GABRA3: variants seen among roughly 807,000 people sequenced by gnomAD.
GABRA3 encodes the protein gamma-aminobutyric acid type A receptor subunit alpha3, also known as gamma-aminobutyric acid receptor subunit alpha-3.
GABRA3 carries 10 observed loss-of-function variants against 30.1 expected under a neutral mutation model. The ratio of observed to expected loss-of-function variants is 0.33; its 90% CI spans 0.20 to 0.56. The LOEUF (loss-of-function observed/expected upper bound fraction) is 0.56. Among genes scored for constraint, GABRA3 ranks in the 20% least tolerant of loss-of-function variants. GABRA3 has a pLI of 0.89. For synonymous variants in GABRA3, 151 were observed against 146.8 expected (o/e 1.03, Z -0.21); for missense variants, 233 against 392.0 (o/e 0.59, Z 3.42).
At chrX:152,391,892 A>G (rs909784749) in intron 1 of GABRA3, among the ~76,000 whole-genome samples, 3 of 111,943 alleles carry the variant, frequency 2.7e-5, no homozygotes, top group Non-Finnish European at 5.6e-5. Context: ...AATACAAATA[A>G]TATAACAATA....
At chrX:152,326,866 A>G (rs1180656564) in intron 3 of GABRA3, among the ~76,000 whole-genome samples, 15 of 111,561 alleles carry the variant, frequency 1.3e-4, no homozygotes, top group African/African-American at 4.9e-4. Context: ...TTATCCTTAA[A>G]TGTAAATGGG....
At chrX:152,340,564 T>C (rs756410245) in intron 3 of GABRA3, among the ~76,000 whole-genome samples, 3 of 112,028 alleles carry the variant, frequency 2.7e-5, no homozygotes, top group African/African-American at 6.5e-5. Context: ...GAAAAAAGTG[T>C]TTATTTTGCC....
rs774817977 is a variant in GABRA3 at position 152,199,799 on chromosome X, T to C, written c.779-2014A>G. Among the ~76,000 whole-genome samples, 6 of 110,008 alleles carry C rather than the reference T, an allele frequency of 5.5e-5. No homozygotes were observed. In the East Asian group the frequency reaches 1.7e-3, roughly 32 times the overall value. Reference sequence around the variant, plus strand: ...CCCCACCGTGTTCTGTTGCTCTCTCTCTCACTTGCTCTCCTTCCCTCCCTC... The same window carrying C: ...CCCCACCGTGTTCTGTTGCTCTCTCCCTCACTTGCTCTCCTTCCCTCCCTC... On this transcript the variant is annotated intron_variant, in intron 7 of 9. Transcript: ENST00000370314.
intron 2 of GABRA3, among the ~76,000 whole-genome samples, chrX:152,347,834 C>T (rs1940413930): frequency 9.0e-6 from 1 of 110,803 alleles, no homozygotes; most frequent in African/African-American, 3.3e-5. Flanking sequence ...ATGGCGAAAT[C>T]CTGCCTCTAC....
At chrX:152,290,267 T>C (rs147593227) in intron 3 of GABRA3, among the ~76,000 whole-genome samples, 23,688 of 111,729 alleles carry the variant, frequency 0.21, 2,287 homozygotes, top group African/African-American at 0.38. Context: ...TGACCAGTGA[T>C]GATGAGCATT....
At chrX:152,220,558 G>A (rs1381812207) in intron 6 of GABRA3, among the ~76,000 whole-genome samples, 1 of 111,323 alleles carries the variant, frequency 9.0e-6, no homozygotes, top group African/African-American at 3.3e-5. Context: ...ATGCCTGTTT[G>A]GAACTATACT....
chrX:152,312,941 C>T (rs899895330), intron 3 of GABRA3, among the ~76,000 whole-genome samples: 4 of 111,048 alleles, frequency 3.6e-5, no homozygotes, highest in African/African-American at 1.3e-4. Context: ...ATAGCCATTC[C>T]GACTGGTGTG....
At chrX:152,358,608 A>G (rs1198141769) in intron 2 of GABRA3, among the ~76,000 whole-genome samples, 1 of 111,197 alleles carries the variant, frequency 9.0e-6, no homozygotes, top group African/African-American at 3.3e-5. Context: ...GAGGGCATCC[A>G]TGTCTTGTTC....
chrX:152,275,199 T>TCTATATATATTTAATA (rs1569378134), intron 4 of GABRA3, among the ~76,000 whole-genome samples: 3 of 65,847 alleles, frequency 4.6e-5, no homozygotes, highest in African/African-American at 7.2e-5. Context: ...ATATATATAA[T>TCTATATATATTTAATA]TTATATATAT....
chrX:152,236,167 C>T lies in GABRA3; in HGVS notation c.552-11322G>A, dbSNP rs376970829. On this transcript the variant is annotated intron_variant, in intron 5 of 9. Coordinates refer to ENST00000370314, the MANE Select transcript of GABRA3 (RefSeq NM_000808.4). ...CCCTCCCCCCACCCCACCACAGTCC[C>T]CAGAGTGTGATATTCCCCTTCCTGT... Among the ~76,000 whole-genome samples, 28 of 83,600 alleles carry T rather than the reference C, an allele frequency of 3.3e-4. 2 individuals carry two copies. The East Asian group carries it at 4.7e-3, about 14-fold the overall frequency. The allele number at this position is 83,600 out of a possible 115,157, so 72.6% of individuals were successfully genotyped here. A position where few individuals can be genotyped will look rare whatever the true frequency, so the allele number is the denominator to read the frequency against.
Position 152,430,541 on chromosome X carries a change from G to A in GABRA3, c.-27+20605C>T, listed in dbSNP as rs369219242. 5.4e-5 allele frequency among the ~76,000 whole-genome samples: 6 copies of A among 111,233 alleles called. No individual in the cohort carries two copies. The East Asian group carries it at 1.7e-3, about 32-fold the overall frequency. ...GTTATGCAACTAAGACTTGCATCAC[G>A]CCAAGCACTGCCTCAAAAACTTGAC... On this transcript the variant is annotated intron_variant, in intron 1 of 9. Transcript: ENST00000370314.
intron 3 of GABRA3, among the ~76,000 whole-genome samples, chrX:152,304,920 T>C (rs1939697921): frequency 1.8e-5 from 2 of 112,066 alleles, no homozygotes; most frequent in African/African-American, 6.5e-5. Context: ...TTCAGTAATA[T>C]TGATTCTTCC....
At chrX:152,377,028 T>C (rs771531303) in intron 1 of GABRA3, among the ~76,000 whole-genome samples, 6 of 112,101 alleles carry the variant, frequency 5.4e-5, no homozygotes, top group Non-Finnish European at 7.5e-5. Flanking sequence ...TACATTGCTA[T>C]TGAGAATGGA....
At chrX:152,273,353 T>C (rs1308056464) in intron 4 of GABRA3, among the ~76,000 whole-genome samples, 1 of 112,216 alleles carries the variant, frequency 8.9e-6, no homozygotes, top group African/African-American at 3.2e-5. Flanking sequence ...TGTAAATTAG[T>C]ATAAACACTA....
intron 9 of GABRA3, chrX:152,171,380 AT>A: frequency 1.5e-6 from 1 of 678,687 alleles, no homozygotes; most frequent in Non-Finnish European, 1.8e-6. Flanking sequence ...TTCTTCCACC[AT>A]TTTCAACATG....
chrX:152,169,144 C>G (rs1190138453), intron 9 of GABRA3, among the ~76,000 whole-genome samples: 2 of 112,269 alleles, frequency 1.8e-5, no homozygotes, highest in African/African-American at 6.5e-5. Context: ...AGAAATAACT[C>G]CAGAAGGCCG....
chrX:152,431,871 T>C (rs764435434), intron 1 of GABRA3, among the ~76,000 whole-genome samples: 1 of 111,510 alleles, frequency 9.0e-6, no homozygotes, highest in East Asian at 2.8e-4. Flanking sequence ...AGAAAACAAG[T>C]TCTCCTCAGA....
chrX:152,269,697 A>G (rs140413771), intron 4 of GABRA3, among the ~76,000 whole-genome samples: 8 of 112,251 alleles, frequency 7.1e-5, no homozygotes, highest in African/African-American at 2.6e-4. Flanking sequence ...ACACATTTAC[A>G]GAAAATTCCT....
At chrX:152,290,044 C>T (rs749484293) in intron 3 of GABRA3, among the ~76,000 whole-genome samples, 6 of 111,790 alleles carry the variant, frequency 5.4e-5, no homozygotes, top group African/African-American at 1.9e-4. Flanking sequence ...GTAATGGGAT[C>T]GCTAGGTCAA....
Sources: gnomAD v4.1 joint callset for allele counts (sites outside exome capture counted in the v4.1 genomes callset) on GRCh38, gnomAD v4.1.1 for gene constraint, MANE v1.5 for transcripts, NCBI Gene and HGNC (gene_info 2026-07-23, HGNC 2026-07-21) for gene names.